Variants in LY75 observed in about 807,000 individuals in gnomAD.
LY75 encodes C-type lectin domain family 13 member B.
A neutral mutation model predicts 231.7 loss-of-function variants in LY75; 185 were observed. That is an observed-to-expected ratio of 0.80 (90% CI 0.71 to 0.90). The LOEUF (loss-of-function observed/expected upper bound fraction) is 0.90. Ranked by LOEUF, LY75 falls within the 40% of genes least tolerant of loss-of-function variation. The probability of loss-of-function intolerance (pLI) is 0.00; values close to 1 mark genes in which losing one functional copy is unlikely to be tolerated. For missense variants in LY75, 1,947 were observed against 2,050.2 expected (o/e 0.95, Z 0.97); for synonymous variants, 668 against 689.0 (o/e 0.97, Z 0.48).
At chr2:159,809,559 G>A (rs1033484539) in intron 32 of LY75, among the ~76,000 whole-genome samples, 2 of 152,000 alleles carry the variant, frequency 1.3e-5, no homozygotes, top group Admixed American at 6.6e-5. Context: ...CTTTTTCTAA[G>A]CATATCTAGC....
chr2:159,833,104 T>C (rs538635325), intron 27 of LY75, among the ~76,000 whole-genome samples: 21 of 152,006 alleles, frequency 1.4e-4, no homozygotes, highest in African/African-American at 4.3e-4. Context: ...CTCTGCTCTC[T>C]TGTGTGTCAT....
chr2:159,900,623 G>T (rs534759145), intron 1 of LY75, among the ~76,000 whole-genome samples: 1 of 152,224 alleles, frequency 6.6e-6, no homozygotes, highest in South Asian at 2.1e-4. Context: ...GACTTGAGGG[G>T]AATTTTACCA....
At position 159,819,899 on chromosome 2, in the gene LY75, T is replaced by A. The variant is rs371866063; in HGVS notation, c.3980A>T (p.Asp1327Val). ...TYRNKSLMWFDKTPLSYTHWR... is the reference protein window; with the variant it reads ...TYRNKSLMWFVKTPLSYTHWR... ...ATGTGTATATGACAGTGGGGTCTTA[T>A]CAAACCACATAAGAGACTTATCTAG... is the stretch of plus-strand genomic sequence containing the variant. Residue 1327 changes from aspartate to valine, a missense_variant, in exon 29 of 35, where the codon GAT (aspartate) becomes GTT (valine). Asp to Val is a radical substitution (Grantham distance 152, BLOSUM62 -3). Coordinates refer to ENST00000263636, the MANE Select transcript of LY75 (RefSeq NM_002349.4). 1 of 1,604,324 alleles carries A rather than the reference T, an allele frequency of 6.2e-7. No individual in the cohort carries two copies. The highest frequency in any genetic ancestry group is 1.1e-5 in the South Asian group (1 of 88,814).
chr2:159,834,179 T>C lies in LY75; in HGVS notation c.3706A>G (p.Ser1236Gly), dbSNP rs114095548. 5.7e-4 allele frequency: 928 copies of C among 1,613,976 alleles called. 9 individuals carry two copies. In the African/African-American group the frequency reaches 0.011, roughly 18 times the overall value. The change falls in exon 27 of 35, where the codon AGT (serine) becomes GGT (glycine). Residue 1236 changes from serine (S) to glycine (G), a missense_variant. Ser to Gly is a moderately conservative substitution (Grantham distance 56). Transcript: ENST00000263636. Reference protein sequence around the residue: ...ETEKEVKPVDSVKCPSPVLNT... With the variant: ...ETEKEVKPVDGVKCPSPVLNT... ...AGAACAGGAGATGGACATTTAACAC[T>C]GTCAACTGGTTTGACCTCTTTTTCA...
intron 25 of LY75, 90 bp downstream of exon 25, chr2:159,840,639 T>A (rs1574547269): frequency 3.9e-6 from 6 of 1,540,386 alleles, no homozygotes; most frequent in Admixed American, 2.1e-5. Flanking sequence ...AGTTCTTCTG[T>A]TTGTTTTAGT....
At chr2:159,861,361 A>C (rs938284991) in intron 14 of LY75, among the ~76,000 whole-genome samples, 1 of 152,208 alleles carries the variant, frequency 6.6e-6, no homozygotes, top group Non-Finnish European at 1.5e-5. Flanking sequence ...TTTTGCTCCT[A>C]TAACTATTAC....
intron 1 of LY75, among the ~76,000 whole-genome samples, chr2:159,899,699 A>G (rs1452918630): frequency 6.6e-6 from 1 of 152,210 alleles, no homozygotes; most frequent in East Asian, 1.9e-4. Flanking sequence ...ACTTAAGGAC[A>G]ATTTTCTTAA....
intron 3 of LY75, among the ~76,000 whole-genome samples, chr2:159,890,994 A>G (rs150865937): frequency 2.5e-4 from 38 of 152,308 alleles, no homozygotes; most frequent in Non-Finnish European, 4.7e-4. Context: ...TAGAGTATGC[A>G]TAATTTCAGA....
In LY75 at chr2:159,875,576, G is replaced by GCAGTCCTTCACCTCCCACTTTC. The variant is rs1685242741; in HGVS notation, c.1820_1841dup (p.Cys614TrpfsTer27). 1.2e-6 allele frequency: 2 copies of GCAGTCCTTCACCTCCCACTTTC among 1,614,056 alleles called. No individual in the cohort carries two copies. The highest frequency in any genetic ancestry group is 1.7e-6 in the Non-Finnish European group (2 of 1,179,988). On this transcript the variant is annotated frameshift_variant, in exon 12 of 35. Transcript: ENST00000263636. LOFTEE classifies it high-confidence loss of function. ...AAATTGAAAGTGCTTTGAAGCTTCT[G>GCAGTCCTTCACCTCCCACTTTC]CAGTCCTTCACCTCCCACTTTCCAA...
chr2:159,879,455 A>T, intron 8 of LY75, 86 bp from the exon 9 acceptor site: 1 of 1,546,698 alleles, frequency 6.5e-7, no homozygotes, highest in East Asian at 2.3e-5. Flanking sequence ...TATGACAGAG[A>T]CAGAGAGAGA....
At chr2:159,893,422 A>G (rs1220833660) in intron 3 of LY75, among the ~76,000 whole-genome samples, 2 of 152,178 alleles carry the variant, frequency 1.3e-5, no homozygotes, top group Admixed American at 6.5e-5. Flanking sequence ...ATTTTATGAA[A>G]TGAGGTGTTG....
rs570499519 is a variant in LY75, at chr2:159,870,275, A to G, written c.2117+2176T>C. On this transcript the variant is annotated intron_variant, in intron 13 of 34. Coordinates refer to ENST00000263636, the MANE Select transcript of LY75 (RefSeq NM_002349.4). ...AGATTAGCCTGGGCAACATGGAAAA[A>G]CCCGTTTCTACAAAAAAATACAAAC... Among the ~76,000 whole-genome samples the G allele has an allele frequency of 3.3e-5, 5 of 152,004 alleles. No homozygotes were observed. In the South Asian group the frequency reaches 1.0e-3, roughly 32 times the overall value.
intron 6 of LY75, among the ~76,000 whole-genome samples, chr2:159,882,712 A>G (rs1054116684): frequency 6.6e-6 from 1 of 152,168 alleles, no homozygotes; most frequent in African/African-American, 2.4e-5. Flanking sequence ...GTCCTTGAGA[A>G]GATTATAAGA....
At position 159,810,588 on chromosome 2, in the gene LY75, C is replaced by T; in HGVS notation, c.4637G>A (p.Cys1546Tyr). The change falls in exon 32 of 35, where the codon TGT (cysteine) becomes TAT (tyrosine). Residue 1546 changes from cysteine to tyrosine, a missense_variant. Cys to Tyr is a radical substitution (Grantham distance 194). Transcript: ENST00000263636. Reference protein sequence around the residue: ...GSRWIQYKGHCYKSDQALHSF... With the variant: ...GSRWIQYKGHYYKSDQALHSF... ...GTGCAATGCCTGATCAGACTTGTAA[C>T]AGTGACCCTTGTACTGGATCCACCG... is the stretch of plus-strand genomic sequence containing the variant. The T allele has an allele frequency of 1.2e-6, 2 of 1,614,112 alleles. No homozygotes were observed. The highest frequency in any genetic ancestry group is 1.7e-6 in the Non-Finnish European group (2 of 1,180,010).
intron 16 of LY75, among the ~76,000 whole-genome samples, chr2:159,857,448 A>C (rs568767231): frequency 2.6e-4 from 39 of 152,308 alleles, no homozygotes; most frequent in African/African-American, 7.9e-4. Context: ...TCTCTGCTTA[A>C]AAATAATTTG....
chr2:159,831,555 C>T, intron 28 of LY75, 115 bp downstream of exon 28: 1 of 1,137,446 alleles, frequency 8.8e-7, no homozygotes, highest in Admixed American at 2.3e-5. Flanking sequence ...ATGCTAAGTA[C>T]ATAATTATAC....
chr2:159,804,953 T>C lies in LY75; in HGVS notation c.*91A>G. On this transcript the variant is annotated 3_prime_UTR_variant, in exon 35 of 35. Transcript: ENST00000263636. ...CTGAAAAAGTATTTAAGAGTTCTACTTTGGAGCAGAGTAAATACTGACACT... is the reference window on the plus strand; with the variant it reads ...CTGAAAAAGTATTTAAGAGTTCTACCTTGGAGCAGAGTAAATACTGACACT... The C allele has an allele frequency of 1.0e-6, 1 of 986,120 alleles. No individual in the cohort carries two copies. The highest frequency in any genetic ancestry group is 1.6e-5 in the South Asian group (1 of 62,368). The allele number at this position is 986,120 out of a possible 1,614,324, so 61.1% of individuals were successfully genotyped here.
chr2:159,899,869 G>A (rs1686020979), intron 1 of LY75, among the ~76,000 whole-genome samples: 1 of 152,188 alleles, frequency 6.6e-6, no homozygotes. Flanking sequence ...CAGCTCCACT[G>A]TGGCAGTTTC....
At position 159,850,473 on chromosome 2, in the gene LY75, A is replaced by C; in HGVS notation, c.2884-6T>G. On this transcript the variant is annotated splice_region_variant and splice_polypyrimidine_tract_variant and intron_variant, in intron 21 of 34. Coordinates refer to ENST00000263636, the MANE Select transcript of LY75 (RefSeq NM_002349.4). ...GGTTTGATCTTTAGAAAACACTGCA[A>C]ACAAAGACATATGTGAAGCATGAGA... 1 of 1,613,340 alleles carries C rather than the reference A, an allele frequency of 6.2e-7. No individual in the cohort carries two copies. Among genetic ancestry groups the C allele is most frequent in the Non-Finnish European group, 8.5e-7 (1 of 1,179,508 alleles).
Sources: gnomAD v4.1 joint callset for allele counts (sites outside exome capture counted in the v4.1 genomes callset) on GRCh38, gnomAD v4.1.1 for gene constraint, MANE v1.5 for transcripts, NCBI Gene and HGNC (gene_info 2026-07-23, HGNC 2026-07-21) for gene names.